The following SLC9D1 variants were observed in gnomAD, a reference collection of about 807,000 sequenced individuals.
SLC9D1 encodes the protein putative LAG1-interacting protein.
At chr13:113,497,692 C>T in the SLC9D1 span, among the ~76,000 whole-genome samples, 1 of 152,220 alleles carries the variant, frequency 6.6e-6, no homozygotes, top group Non-Finnish European at 1.5e-5. Context: ...TTGTCAGTGG[C>T]ATCAGATGAT....
the SLC9D1 span, chr13:113,534,588 G>T: frequency 3.1e-6 from 1 of 318,362 alleles, no homozygotes; most frequent in East Asian, 5.7e-5. Flanking sequence ...CAGAAGTTTG[G>T]GAGCAGCCAG....
the SLC9D1 span, among the ~76,000 whole-genome samples, chr13:113,545,564 C>T: frequency 1.3e-5 from 2 of 152,208 alleles, no homozygotes; most frequent in African/African-American, 4.8e-5. Flanking sequence ...GCTCACTCCC[C>T]CCACCCCCAC....
At chr13:113,532,173 C>G in the SLC9D1 span, among the ~76,000 whole-genome samples, 1 of 152,192 alleles carries the variant, frequency 6.6e-6, no homozygotes, top group Admixed American at 6.5e-5. Flanking sequence ...ATGTGGGGAG[C>G]TGCTGTTGTG....
At chr13:113,495,827 G>T in the SLC9D1 span, 5 of 1,614,176 alleles carry the variant, frequency 3.1e-6, no homozygotes, top group Non-Finnish European at 4.2e-6. Context: ...AGAAAGACGT[G>T]GGCCTGTCGG....
the SLC9D1 span, among the ~76,000 whole-genome samples, chr13:113,524,658 T>A: frequency 3.3e-5 from 5 of 152,300 alleles, no homozygotes; most frequent in African/African-American, 9.6e-5. Flanking sequence ...TTTCTAGTAA[T>A]TTTCCTTGCC....
At chr13:113,548,951 A>G in the SLC9D1 span, among the ~76,000 whole-genome samples, 1 of 152,160 alleles carries the variant, frequency 6.6e-6, no homozygotes, top group African/African-American at 2.4e-5. Flanking sequence ...AGAATTGCTT[A>G]CAGGAAGCTC....
chr13:113,547,645 C>CT, the SLC9D1 span, among the ~76,000 whole-genome samples: 1 of 152,210 alleles, frequency 6.6e-6, no homozygotes, highest in African/African-American at 2.4e-5. Context: ...CAGGACGGGC[C>CT]TTGGCTGCAG....
the SLC9D1 span, chr13:113,491,116 G>C: frequency 2.0e-5 from 3 of 150,202 alleles, no homozygotes; most frequent in African/African-American, 7.4e-5. Flanking sequence ...CCCTGGTCCC[G>C]CCTGGGAAGG....
the SLC9D1 span, chr13:113,510,483 T>TGGATTCACAGTTGA: frequency 7.2e-6 from 11 of 1,535,808 alleles, no homozygotes; most frequent in Non-Finnish European, 6.2e-6. Flanking sequence ...AGGTGACTTT[T>TGGATTCACAGTTGA]GGATTCACAG....
chr13:113,518,070 A>G, the SLC9D1 span, among the ~76,000 whole-genome samples: 1 of 152,282 alleles, frequency 6.6e-6, no homozygotes, highest in Non-Finnish European at 1.5e-5. Context: ...GGAAAACAGG[A>G]AGAAATCAAA....
At chr13:113,511,175 ACAGC>A in the SLC9D1 span, among the ~76,000 whole-genome samples, 8 of 134,868 alleles carry the variant, frequency 5.9e-5, no homozygotes, top group African/African-American at 2.4e-4. Context: ...GCTGTTTCTG[ACAGC>A]CTGCCTACCC....
the SLC9D1 span, chr13:113,547,400 C>T: frequency 1.0e-4 from 159 of 1,586,978 alleles, no homozygotes; most frequent in East Asian, 1.3e-4. Flanking sequence ...GAAGGGTCCA[C>T]GCCCCTCGCA....
the SLC9D1 span, among the ~76,000 whole-genome samples, chr13:113,509,247 C>CGGGCTTGGTGGGTGGGTCTCCTGGA: frequency 1.3e-4 from 11 of 83,864 alleles, no homozygotes; most frequent in African/African-American, 5.1e-4. Flanking sequence ...GTCCCCCTGG[C>CGGGCTTGGTGGGTGGGTCTCCTGGA]GCTGCCTGTC....
At chr13:113,495,965 C>G in the SLC9D1 span, 4 of 1,613,608 alleles carry the variant, frequency 2.5e-6, no homozygotes, top group East Asian at 2.2e-5. Flanking sequence ...ACAAAGATGT[C>G]GTGAACATGA....
chr13:113,501,724 T>G, the SLC9D1 span: 1 of 1,594,254 alleles, frequency 6.3e-7, no homozygotes, highest in Non-Finnish European at 8.6e-7. Flanking sequence ...ATCTTATACT[T>G]CTGTTTCTTA....
At chr13:113,547,491 C>A in the SLC9D1 span, 37 of 846,366 alleles carry the variant, frequency 4.4e-5, no homozygotes, top group Admixed American at 6.1e-4. Context: ...CGGCCCTGCT[C>A]CTCATCTCGG....
At chr13:113,495,674 T>A in the SLC9D1 span, 1 of 1,609,568 alleles carries the variant, frequency 6.2e-7, no homozygotes, top group Non-Finnish European at 8.5e-7. Context: ...TGGCGCAGCG[T>A]GTGATCAAAC....
At chr13:113,499,666 T>C in the SLC9D1 span, among the ~76,000 whole-genome samples, 2 of 152,148 alleles carry the variant, frequency 1.3e-5, no homozygotes, top group Admixed American at 6.5e-5. Flanking sequence ...AGAATAAAAA[T>C]AGAGCAGAAG....
chr13:113,510,240 G>A, the SLC9D1 span: 1 of 1,613,996 alleles, frequency 6.2e-7, no homozygotes, highest in East Asian at 2.2e-5. Flanking sequence ...TCTTTAAGGT[G>A]TGGAAGATTT....
Sources: gnomAD v4.1 joint callset for allele counts (sites outside exome capture counted in the v4.1 genomes callset) on GRCh38, gnomAD v4.1.1 for gene constraint, MANE v1.5 for transcripts, NCBI Gene and HGNC (gene_info 2026-07-23, HGNC 2026-07-21) for gene names.